WDFY2: variants seen among roughly 807,000 people sequenced by gnomAD.
WDFY2 encodes WD repeat and FYVE domain containing 2.
A neutral mutation model predicts 56.4 loss-of-function variants in WDFY2; 36 were observed. The observed-to-expected ratio is 0.64, with a 90% CI of 0.49 to 0.84. The LOEUF is 0.84. Among genes scored for constraint, WDFY2 ranks in the 40% least tolerant of loss-of-function variants. The pLI, the probability that WDFY2 is intolerant of heterozygous loss-of-function variation, is 0.00. For missense variants in WDFY2, 444 were observed against 512.2 expected (o/e 0.87, Z 1.29); for synonymous variants, 176 against 183.7 (o/e 0.96, Z 0.34).
intron 3 of WDFY2, among the ~76,000 whole-genome samples, chr13:51,682,086 T>C (rs1955985957): frequency 6.6e-6 from 1 of 152,204 alleles, no homozygotes; most frequent in Admixed American, 6.6e-5. Flanking sequence ...ACCAGTTCTG[T>C]AGTGTGAATA....
At chr13:51,650,918 G>A (rs1955368308) in intron 1 of WDFY2, among the ~76,000 whole-genome samples, 1 of 152,150 alleles carries the variant, frequency 6.6e-6, no homozygotes, top group Non-Finnish European at 1.5e-5. Flanking sequence ...TCAGGATGAT[G>A]CTGGCCTCAT....
At chr13:51,672,147 C>T (rs1443480283) in intron 2 of WDFY2, among the ~76,000 whole-genome samples, 1 of 152,092 alleles carries the variant, frequency 6.6e-6, no homozygotes, top group Non-Finnish European at 1.5e-5. Flanking sequence ...GAAAGGTTTT[C>T]CAGTGTTATC....
intron 1 of WDFY2, among the ~76,000 whole-genome samples, chr13:51,620,187 A>G (rs1954698838): frequency 9.2e-6 from 1 of 108,562 alleles, no homozygotes; most frequent in Admixed American, 1.5e-4. Flanking sequence ...TGCTTCTCAT[A>G]TTTCCTCACT....
intron 4 of WDFY2, among the ~76,000 whole-genome samples, chr13:51,704,575 C>A (rs1952046830): frequency 6.6e-6 from 1 of 152,202 alleles, no homozygotes; most frequent in African/African-American, 2.4e-5. Context: ...TTACACATGA[C>A]AATCTTTCAG....
intron 1 of WDFY2, among the ~76,000 whole-genome samples, chr13:51,645,252 T>C (rs1452908904): frequency 6.6e-6 from 1 of 151,982 alleles, no homozygotes; most frequent in African/African-American, 2.4e-5. Context: ...GTATTGCTGT[T>C]GCAGGGTGTG....
At chr13:51,601,598 A>G (rs1054579264) in intron 1 of WDFY2, among the ~76,000 whole-genome samples, 2 of 152,110 alleles carry the variant, frequency 1.3e-5, no homozygotes, top group African/African-American at 4.8e-5. Context: ...TATTTTTAGT[A>G]CAGACGGGGG....
At chr13:51,730,939 C>G (rs1326748641) in intron 6 of WDFY2, among the ~76,000 whole-genome samples, 1 of 152,168 alleles carries the variant, frequency 6.6e-6, no homozygotes. Flanking sequence ...TGAGACCATG[C>G]TGGGCATATC....
intron 5 of WDFY2, among the ~76,000 whole-genome samples, chr13:51,721,436 A>G (rs1017400850): frequency 6.6e-6 from 1 of 152,200 alleles, no homozygotes; most frequent in Non-Finnish European, 1.5e-5. Context: ...TTGAAAATAA[A>G]AAACAAATGG....
intron 8 of WDFY2, chr13:51,752,984 C>T (rs1259809647): frequency 6.6e-6 from 1 of 152,152 alleles, no homozygotes; most frequent in African/African-American, 2.4e-5. Flanking sequence ...GAAGAAAAGG[C>T]TTGTAGGAGG....
intron 1 of WDFY2, among the ~76,000 whole-genome samples, chr13:51,644,827 C>G (rs1479603062): frequency 1.3e-5 from 2 of 152,158 alleles, no homozygotes; most frequent in Admixed American, 6.5e-5. Context: ...CTGGACAATA[C>G]TGGACAACAC....
intron 11 of WDFY2, among the ~76,000 whole-genome samples, chr13:51,759,147 C>A (rs9535752): frequency 0.13 from 19,066 of 152,212 alleles, 1,481 homozygotes; most frequent in South Asian, 0.22. Flanking sequence ...TGCCACTGTA[C>A]TCCAGCCTGG....
At chr13:51,633,482 T>G (rs1954991872) in intron 1 of WDFY2, among the ~76,000 whole-genome samples, 1 of 152,224 alleles carries the variant, frequency 6.6e-6, no homozygotes, top group Admixed American at 6.5e-5. Context: ...TATCTGGATC[T>G]AAATAATTGA....
Position 51,739,145 on chromosome 13 carries a change from A to T in WDFY2, c.695A>T (p.Lys232Ile). ...SVIMWDIGGR[K>I]GTAIELQGHN... ...ATCATGTGGGACATCGGTGGGAGAA[A>T]AGGAACAGCCATCGAGCTCCAAGGA... The change falls in exon 7 of 12, where the codon AAA (lysine) becomes ATA (isoleucine). Residue 232 changes from lysine (K) to isoleucine (I), a missense_variant. Coordinates refer to ENST00000298125, the MANE Select transcript of WDFY2 (RefSeq NM_052950.4). 6.3e-7 allele frequency: 1 copy of T among 1,597,872 alleles called. No homozygotes were observed.
intron 1 of WDFY2, among the ~76,000 whole-genome samples, chr13:51,645,534 C>T (rs1259362070): frequency 1.3e-5 from 2 of 152,088 alleles, no homozygotes; most frequent in African/African-American, 4.8e-5. Flanking sequence ...CCCCAGCCTT[C>T]CCTTTTCTCT....
chr13:51,754,323 C>T (rs896844162), intron 8 of WDFY2, among the ~76,000 whole-genome samples: 4 of 152,156 alleles, frequency 2.6e-5, no homozygotes, highest in Non-Finnish European at 4.4e-5. Flanking sequence ...AGATGACCTT[C>T]TTATATGTGT....
chr13:51,686,256 ACTGTTCATTGAG>A (rs1223465495), intron 3 of WDFY2, among the ~76,000 whole-genome samples: 1 of 152,056 alleles, frequency 6.6e-6, no homozygotes, highest in African/African-American at 2.4e-5. Flanking sequence ...CAGTTTACTC[ACTGTTCATTGAG>A]GGTGATCTGT....
rs530598272 is a variant in WDFY2 at position 51,760,616 on chromosome 13, C to T, written c.*847C>T. Reference sequence around the variant, plus strand: ...TTTTTTGACGCAGCTCTCCCTCACTCGTAACAATGAAAACAAATGACACAC... The same window carrying T: ...TTTTTTGACGCAGCTCTCCCTCACTTGTAACAATGAAAACAAATGACACAC... On this transcript the variant is annotated 3_prime_UTR_variant, in exon 12 of 12. Coordinates refer to ENST00000298125, the MANE Select transcript of WDFY2 (RefSeq NM_052950.4). 3.3e-5 allele frequency: 5 copies of T among 152,286 alleles called. No individual in the cohort carries two copies. The South Asian group carries it at 1.0e-3, about 32-fold the overall frequency. The allele number at this position is 152,286 out of a possible 1,614,324, so 9.4% of individuals were successfully genotyped here. A position where few individuals can be genotyped will look rare whatever the true frequency, so the allele number is the denominator to read the frequency against.
chr13:51,643,583 G>C (rs1022195998), intron 1 of WDFY2, among the ~76,000 whole-genome samples: 2 of 152,154 alleles, frequency 1.3e-5, no homozygotes, highest in Admixed American at 6.5e-5. Flanking sequence ...GAATTGCTTA[G>C]GCTGCCAGTT....
chr13:51,595,252 A>G (rs1954123637), intron 1 of WDFY2, among the ~76,000 whole-genome samples: 1 of 152,204 alleles, frequency 6.6e-6, no homozygotes, highest in African/African-American at 2.4e-5. Context: ...TCCATAAGGA[A>G]TACACTTAGG....
Sources: allele counts gnomAD v4.1 joint callset (sites outside exome capture counted in the v4.1 genomes callset), GRCh38; gene constraint gnomAD v4.1.1; transcripts MANE v1.5; gene names NCBI Gene and HGNC (gene_info 2026-07-23, HGNC 2026-07-21).